Variants in DCBLD2 observed in about 807,000 individuals in gnomAD.
DCBLD2 encodes the protein discoidin, CUB and LCCL domain-containing protein 2.
In DCBLD2, 54 loss-of-function variants were observed where a neutral mutation model predicts 86.8. The observed-to-expected ratio is 0.62, with a 90% CI of 0.50 to 0.78. DCBLD2 has a LOEUF of 0.78. Ranked by LOEUF, DCBLD2 falls within the 30% of genes least tolerant of loss-of-function variation. DCBLD2 has a pLI of 0.00. For missense variants in DCBLD2, 908 were observed against 954.2 expected (o/e 0.95, Z 0.64); for synonymous variants, 354 against 341.3 (o/e 1.04, Z -0.41).
At chr3:98,870,803 A>AAG (rs1943266362) in intron 2 of DCBLD2, among the ~76,000 whole-genome samples, 1 of 140,298 alleles carries the variant, frequency 7.1e-6, no homozygotes, top group South Asian at 2.3e-4. Flanking sequence ...GAAAGAAAGA[A>AAG]AGAAAGAAAG....
chr3:98,881,842 AT>A (rs1391336361), intron 1 of DCBLD2, 75 bp from the exon 2 acceptor site: 1 of 1,401,632 alleles, frequency 7.1e-7, no homozygotes, highest in Non-Finnish European at 9.8e-7. Flanking sequence ...TTTTGTGAAG[AT>A]TTAAAAATAT....
intron 2 of DCBLD2, among the ~76,000 whole-genome samples, chr3:98,863,102 G>A (rs962917516): frequency 3.3e-5 from 5 of 152,130 alleles, no homozygotes; most frequent in Non-Finnish European, 7.3e-5. Flanking sequence ...GCCAAATCAT[G>A]AGTGAACTCC....
intron 3 of DCBLD2, among the ~76,000 whole-genome samples, chr3:98,845,798 C>T (rs914146964): frequency 6.6e-6 from 1 of 152,198 alleles, no homozygotes; most frequent in Non-Finnish European, 1.5e-5. Context: ...CTCTTCTCTA[C>T]CATCAGGTTT....
At chr3:98,873,983 A>G (rs756751906) in intron 2 of DCBLD2, among the ~76,000 whole-genome samples, 18 of 152,220 alleles carry the variant, frequency 1.2e-4, no homozygotes, top group Non-Finnish European at 1.3e-4. Flanking sequence ...CCAATATATT[A>G]GATCACCTAG....
chr3:98,871,780 C>T (rs2099738), intron 2 of DCBLD2, among the ~76,000 whole-genome samples: 149,639 of 152,264 alleles, frequency 0.98, 73,589 homozygotes, highest in Middle Eastern at 1. Context: ...AGGGTGATAC[C>T]GGGTTCATAG....
chr3:98,812,152 T>C (rs548518653), intron 10 of DCBLD2, among the ~76,000 whole-genome samples, 180 bp downstream of exon 10: 1 of 121,608 alleles, frequency 8.2e-6, no homozygotes, highest in South Asian at 2.5e-4. Context: ...TTGGAAACCA[T>C]TCTTATAACT....
Position 98,796,941 on chromosome 3 carries a change from T to C in DCBLD2, c.*2431A>G, listed in dbSNP as rs745852552. ...AAATGTTGCAAGCAAAGGATAAAAA[T>C]TCAAGGGAATTTTGTCAGATATGGT... On this transcript the variant is annotated 3_prime_UTR_variant, in exon 16 of 16. Coordinates refer to ENST00000326840, the MANE Select transcript of DCBLD2 (RefSeq NM_080927.4). The C allele has an allele frequency of 3.3e-5, 5 of 151,934 alleles. No individual in the cohort carries two copies. Among genetic ancestry groups the C allele is most frequent in the Non-Finnish European group, 7.4e-5 (5 of 67,938 alleles). The allele number at this position is 151,934 out of a possible 1,614,324, so 9.4% of individuals were successfully genotyped here.
At chr3:98,829,545 C>T (rs1057182705) in intron 3 of DCBLD2, among the ~76,000 whole-genome samples, 1 of 152,118 alleles carries the variant, frequency 6.6e-6, no homozygotes, top group African/African-American at 2.4e-5. Context: ...GTTTTCTCTT[C>T]CTGTGAGGTT....
At position 98,796,113 on chromosome 3, in the gene DCBLD2, C is replaced by CTGAG. The variant is rs1941582934; in HGVS notation, c.*3255_*3258dup. 3.3e-5 allele frequency: 5 copies of CTGAG among 152,570 alleles called. No homozygotes were observed. Among genetic ancestry groups the CTGAG allele is most frequent in the Non-Finnish European group, 7.4e-5 (5 of 68,026 alleles). 9.5% of individuals were successfully genotyped at this position (152,570 alleles called of 1,614,324 possible). ...TAAATTCTAGCAACATATACAAATA[C>CTGAG]TGAGTGACTACAGTACATGCCGAGG... is the stretch of plus-strand genomic sequence containing the variant. On this transcript the variant is annotated 3_prime_UTR_variant, in exon 16 of 16. Coordinates refer to ENST00000326840, the MANE Select transcript of DCBLD2 (RefSeq NM_080927.4).
At chr3:98,824,344 TG>T (rs1942177847) in intron 4 of DCBLD2, among the ~76,000 whole-genome samples, 1 of 151,960 alleles carries the variant, frequency 6.6e-6, no homozygotes, top group African/African-American at 2.4e-5. Context: ...ACAGGGATAA[TG>T]GGAGCTTGGA....
At chr3:98,855,628 C>A (rs1942919777) in intron 2 of DCBLD2, among the ~76,000 whole-genome samples, 1 of 152,192 alleles carries the variant, frequency 6.6e-6, no homozygotes, top group Non-Finnish European at 1.5e-5. Context: ...TAGTTCCCTC[C>A]TCTAAAATCC....
At chr3:98,830,062 T>G (rs1324534943) in intron 3 of DCBLD2, among the ~76,000 whole-genome samples, 3 of 152,216 alleles carry the variant, frequency 2.0e-5, no homozygotes, top group African/African-American at 4.8e-5. Flanking sequence ...TGTCTGCTCA[T>G]GTTCTTTACC....
intron 2 of DCBLD2, among the ~76,000 whole-genome samples, chr3:98,854,376 CT>C (rs1942896127): frequency 6.6e-6 from 1 of 152,062 alleles, no homozygotes; most frequent in Admixed American, 6.6e-5. Context: ...TGAGTGTTCT[CT>C]TTTTGAATGT....
chr3:98,894,405 A>G (rs1354189027), intron 1 of DCBLD2, among the ~76,000 whole-genome samples: 1 of 152,204 alleles, frequency 6.6e-6, no homozygotes, highest in Admixed American at 6.5e-5. Context: ...TGCCTATTGA[A>G]GTCAGAAGCT....
Position 98,814,987 on chromosome 3 carries a change from T to G in DCBLD2, c.1213-2505A>C, listed in dbSNP as rs557834522. On this transcript the variant is annotated intron_variant, in intron 9 of 15. Coordinates refer to ENST00000326840, the MANE Select transcript of DCBLD2 (RefSeq NM_080927.4). ...CCAGGCCACAGTGCAGGGAGAGAGA[T>G]CCCTAACAGAGCCTGCCGGTCTCAC... The G allele has an allele frequency of 4.6e-5, 7 of 152,194 alleles. No homozygotes were observed. The East Asian group carries it at 1.4e-3, about 29-fold the overall frequency. The allele number at this position is 152,194 out of a possible 1,614,324, so 9.4% of individuals were successfully genotyped here. A position where few individuals can be genotyped will look rare whatever the true frequency, so the allele number is the denominator to read the frequency against.
Position 98,811,218 on chromosome 3 carries a change from T to A in DCBLD2, c.1552A>T (p.Thr518Ser), listed in dbSNP as rs1298195669. 6.2e-7 allele frequency: 1 copy of A among 1,609,836 alleles called. No individual in the cohort carries two copies. Among genetic ancestry groups the A allele is most frequent in the Admixed American group, 1.7e-5 (1 of 59,114 alleles). Residue 518 changes from threonine (T) to serine (S), a missense_variant, in exon 12 of 16, where the codon ACC becomes TCC. Thr to Ser is a moderately conservative substitution (Grantham distance 58). Around this residue, in one of 3 missense-constraint regions of DCBLD2, gnomAD observed 606 missense variants for 678.5 expected, o/e 0.89. Transcript: ENST00000326840. The part of the protein sequence containing the change: ...TTASPDIRNT[T>S]VTPNVTKDVA... ...CCTTTGGTTACATTTGGAGTTACGG[T>A]AGTATTTCTGATATCAGGACTGGCA...
intron 3 of DCBLD2, among the ~76,000 whole-genome samples, chr3:98,844,121 A>G (rs551881956): frequency 5.0e-4 from 76 of 151,992 alleles, no homozygotes; most frequent in African/African-American, 1.7e-3. Context: ...CTTTCAATGC[A>G]AATGTATATA....
chr3:98,825,639 G>GTTTTTA (rs1942201575), intron 3 of DCBLD2, among the ~76,000 whole-genome samples: 1 of 59,426 alleles, frequency 1.7e-5, no homozygotes, highest in African/African-American at 5.0e-5. Context: ...ATGTATATGT[G>GTTTTTA]TATTTATATA....
chr3:98,889,164 G>C (rs1352679940), intron 1 of DCBLD2, among the ~76,000 whole-genome samples: 1 of 151,918 alleles, frequency 6.6e-6, no homozygotes, highest in East Asian at 1.9e-4. Context: ...CTCCACCCTA[G>C]ATCATTAAAT....
Sources: allele counts gnomAD v4.1 joint callset (sites outside exome capture counted in the v4.1 genomes callset), GRCh38; gene constraint gnomAD v4.1.1; regional missense constraint gnomAD v4.1.1; transcripts MANE v1.5; gene names NCBI Gene and HGNC (gene_info 2026-07-23, HGNC 2026-07-21).